Variants in XRCC4 observed in about 807,000 individuals in gnomAD.
XRCC4 encodes DNA repair protein XRCC4.
In XRCC4, 28 loss-of-function variants were observed where a neutral mutation model predicts 39.1. The observed-to-expected ratio is 0.72, with a 90% CI of 0.53 to 0.98. The LOEUF (loss-of-function observed/expected upper bound fraction) is 0.98, where lower values mean the gene tolerates loss of function less well. XRCC4 is among the 50% of genes least tolerant of loss of function. The pLI is 0.00. For synonymous variants in XRCC4, 123 were observed against 126.4 expected (o/e 0.97, Z 0.18); for missense variants, 350 against 376.4 (o/e 0.93, Z 0.58).
rs527252431 is a variant in XRCC4 at position 83,261,645 on chromosome 5, A to C, written c.893+2968A>C. 1.4e-4 allele frequency among the ~76,000 whole-genome samples: 21 copies of C among 150,890 alleles called. No individual in the cohort carries two copies. The East Asian group carries it at 4.1e-3, about 29-fold the overall frequency. The stretch of plus-strand genomic sequence containing the variant: ...TTTTTTGTCTACAAGACTTTGTGCA[A>C]GTCATTTTACCTTTCCAAGTTTCAG... On this transcript the variant is annotated intron_variant, in intron 7 of 7. Transcript: ENST00000396027.
chr5:83,325,186 A>G (rs1451914084), intron 7 of XRCC4, among the ~76,000 whole-genome samples: 2 of 152,108 alleles, frequency 1.3e-5, no homozygotes, highest in Non-Finnish European at 2.9e-5. Flanking sequence ...TTTAGAGTCC[A>G]TGACCTTATC....
intron 7 of XRCC4, among the ~76,000 whole-genome samples, chr5:83,279,555 A>G (rs1038236488): frequency 4.6e-5 from 7 of 152,308 alleles, no homozygotes; most frequent in Non-Finnish European, 7.4e-5. Flanking sequence ...TAAGTTACAA[A>G]TAGTCTGAAT....
intron 3 of XRCC4, among the ~76,000 whole-genome samples, chr5:83,146,919 C>T (rs944405676): frequency 1.3e-5 from 2 of 152,140 alleles, no homozygotes; most frequent in Non-Finnish European, 2.9e-5. Flanking sequence ...TGAAATGTTA[C>T]TGTAAGAAAA....
In XRCC4 at chr5:83,187,676, G is replaced by T. The variant is rs549426175; in HGVS notation, c.316-8094G>T. Among the ~76,000 whole-genome samples the T allele has an allele frequency of 4.1e-4, 63 of 152,258 alleles. No individual in the cohort carries two copies. The Middle Eastern group carries it at 0.01, about 25-fold the overall frequency. ...AGAGAATAGGATGTCATAAATTAAA[G>T]AAATAGATCAACATTAATCTACAGA... On this transcript the variant is annotated intron_variant, in intron 3 of 7. Coordinates refer to ENST00000396027, the MANE Select transcript of XRCC4 (RefSeq NM_003401.5).
chr5:83,357,795 CAA>C (rs750159167), downstream of XRCC4, among the ~76,000 whole-genome samples: 8 of 152,144 alleles, frequency 5.3e-5, no homozygotes, highest in South Asian at 2.1e-4. Context: ...GAAAGCCAAA[CAA>C]GAGGTCTCTT....
At chr5:83,252,832 C>T (rs1405050994) in intron 6 of XRCC4, among the ~76,000 whole-genome samples, 5 of 152,058 alleles carry the variant, frequency 3.3e-5, no homozygotes, top group Admixed American at 2.0e-4. Flanking sequence ...AAATAAGATA[C>T]ACATTTGAAA....
intron 6 of XRCC4, among the ~76,000 whole-genome samples, chr5:83,227,350 T>C (rs541830879): frequency 6.6e-6 from 1 of 152,254 alleles, no homozygotes; most frequent in Admixed American, 6.5e-5. Context: ...CCTCATATTG[T>C]TTGCTGATGG....
intron 3 of XRCC4, among the ~76,000 whole-genome samples, chr5:83,162,236 T>G (rs1020025614): frequency 6.6e-6 from 1 of 152,192 alleles, no homozygotes; most frequent in African/African-American, 2.4e-5. Context: ...GAGTAGCTAT[T>G]GAAGTCAAGT....
chr5:83,318,108 T>A (rs1480142012), intron 7 of XRCC4, among the ~76,000 whole-genome samples: 1 of 145,826 alleles, frequency 6.9e-6, no homozygotes, highest in Non-Finnish European at 1.5e-5. Flanking sequence ...AAAAACCACA[T>A]GATTATCTCA....
intron 6 of XRCC4, among the ~76,000 whole-genome samples, chr5:83,250,377 A>C (rs1243163056): frequency 1.3e-5 from 2 of 152,194 alleles, no homozygotes; most frequent in Admixed American, 1.3e-4. Context: ...CAGATGCAAA[A>C]TAACTTGTAA....
intron 6 of XRCC4, among the ~76,000 whole-genome samples, chr5:83,225,781 G>A (rs963685290): frequency 6.6e-6 from 1 of 151,758 alleles, no homozygotes; most frequent in Non-Finnish European, 1.5e-5. Flanking sequence ...CTGGAGATGT[G>A]TGCCTAAGCC....
intron 7 of XRCC4, among the ~76,000 whole-genome samples, chr5:83,322,299 A>G (rs1756101961): frequency 6.6e-6 from 1 of 152,052 alleles, no homozygotes; most frequent in Non-Finnish European, 1.5e-5. Flanking sequence ...GCTGAACTCT[A>G]TCAAATGCTA....
chr5:83,079,653 A>G (rs1744845101), intron 1 of XRCC4, among the ~76,000 whole-genome samples: 1 of 152,012 alleles, frequency 6.6e-6, no homozygotes. Flanking sequence ...CTCCCTCAGT[A>G]TCCCCAGTAA....
chr5:83,360,451 A>C, the XRCC4 span, among the ~76,000 whole-genome samples: 8 of 152,322 alleles, frequency 5.3e-5, no homozygotes, highest in African/African-American at 1.9e-4. Flanking sequence ...CTAAGTTTAC[A>C]GTGGTGTAAT....
intron 3 of XRCC4, among the ~76,000 whole-genome samples, chr5:83,128,845 G>T (rs1747410263): frequency 6.6e-6 from 1 of 152,070 alleles, no homozygotes; most frequent in Admixed American, 6.6e-5. Context: ...TTGTAAATCT[G>T]TTTAAATTCT....
At chr5:83,284,253 A>G (rs1754661551) in intron 7 of XRCC4, among the ~76,000 whole-genome samples, 1 of 151,950 alleles carries the variant, frequency 6.6e-6, no homozygotes, top group South Asian at 2.1e-4. Flanking sequence ...AGGGAAGTCC[A>G]TATACCCAAT....
At chr5:83,255,101 A>AAG (rs1445686522) in intron 6 of XRCC4, among the ~76,000 whole-genome samples, 2 of 152,046 alleles carry the variant, frequency 1.3e-5, no homozygotes, top group Admixed American at 6.5e-5. Context: ...AAAGAAAAAA[A>AAG]AAAAGAAAAG....
chr5:83,250,523 C>T (rs1303365401), intron 6 of XRCC4, among the ~76,000 whole-genome samples: 1 of 152,156 alleles, frequency 6.6e-6, no homozygotes, highest in Non-Finnish European at 1.5e-5. Context: ...TAAGTCCCTG[C>T]CTTCATGGAG....
At position 83,125,844 on chromosome 5, in the gene XRCC4, G is replaced by T. The variant is rs193240894; in HGVS notation, c.315+14641G>T. On this transcript the variant is annotated intron_variant, in intron 3 of 7. Transcript: ENST00000396027. ...CTAAATACTAAAAAATTAGCCAGGTGTGGTGGCGCATTCCTGTAATCCGAG... is the reference window on the plus strand; with the variant it reads ...CTAAATACTAAAAAATTAGCCAGGTTTGGTGGCGCATTCCTGTAATCCGAG... 2.9e-3 allele frequency among the ~76,000 whole-genome samples: 439 copies of T among 152,204 alleles called. 12 individuals are homozygous for T. The East Asian group carries it at 0.073, about 25-fold the overall frequency.
Sources: gnomAD v4.1 joint callset for allele counts (sites outside exome capture counted in the v4.1 genomes callset) on GRCh38, gnomAD v4.1.1 for gene constraint, MANE v1.5 for transcripts, NCBI Gene and HGNC (gene_info 2026-07-23, HGNC 2026-07-21) for gene names.